The following RUNX2 variants were observed in gnomAD, a reference collection of about 807,000 sequenced individuals.
The protein encoded by RUNX2 is runt-related transcription factor 2.
RUNX2 carries 10 observed loss-of-function variants against 51.7 expected under a neutral mutation model. The ratio of observed to expected loss-of-function variants is 0.19; its 90% CI spans 0.12 to 0.33. The LOEUF is 0.33. Among genes scored for constraint, RUNX2 ranks in the 10% least tolerant of loss-of-function variants. The pLI, the probability that RUNX2 is intolerant of heterozygous loss-of-function variation, is 1.00. For synonymous variants in RUNX2, 276 were observed against 273.6 expected, an observed-to-expected ratio of 1.01 and a Z score of -0.09; for missense variants, 562 against 691.3, an observed-to-expected ratio of 0.81 and a Z score of 2.10.
intron 5 of RUNX2, among the ~76,000 whole-genome samples, chr6:45,487,924 G>T (rs900323021): frequency 1.3e-5 from 2 of 152,190 alleles, no homozygotes; most frequent in Non-Finnish European, 1.5e-5. Context: ...GTTCAAGAGG[G>T]TGGGAACCTA....
intron 2 of RUNX2, among the ~76,000 whole-genome samples, chr6:45,409,761 T>C (rs1258520908): frequency 1.3e-5 from 2 of 152,222 alleles, no homozygotes; most frequent in South Asian, 2.1e-4. Flanking sequence ...GGTTTATTTA[T>C]TCAGTGATTC....
intron 2 of RUNX2, among the ~76,000 whole-genome samples, chr6:45,370,917 A>T (rs1274454306): frequency 6.6e-6 from 1 of 150,836 alleles, no homozygotes; most frequent in Non-Finnish European, 1.5e-5. Context: ...AATTGAGTTT[A>T]AAAAAAAAAT....
intron 2 of RUNX2, among the ~76,000 whole-genome samples, chr6:45,340,402 C>T (rs905647658): frequency 1.3e-5 from 2 of 152,098 alleles, no homozygotes; most frequent in South Asian, 4.1e-4. Flanking sequence ...CAGCTCACTG[C>T]AACTTTGACC....
chr6:45,528,783 G>A (rs564881862), intron 7 of RUNX2, among the ~76,000 whole-genome samples: 2 of 152,188 alleles, frequency 1.3e-5, no homozygotes, highest in African/African-American at 4.8e-5. Context: ...TCAGGCTGGC[G>A]AGCTAATATC....
chr6:45,440,212 C>T (rs1236891542), intron 5 of RUNX2, among the ~76,000 whole-genome samples: 1 of 152,176 alleles, frequency 6.6e-6, no homozygotes, highest in Non-Finnish European at 1.5e-5. Flanking sequence ...CTGCTTTGAG[C>T]GACAGCTGAA....
chr6:45,404,389 A>G (rs1414669701), intron 2 of RUNX2, among the ~76,000 whole-genome samples: 1 of 151,582 alleles, frequency 6.6e-6, no homozygotes. Context: ...CTCCTGCTCT[A>G]GGATGTCTCC....
intron 2 of RUNX2, among the ~76,000 whole-genome samples, chr6:45,420,262 T>A (rs1798151080): frequency 6.6e-6 from 1 of 151,830 alleles, no homozygotes. Flanking sequence ...GGCTCCAGAG[T>A]CCGCGACTGG....
intron 7 of RUNX2, among the ~76,000 whole-genome samples, chr6:45,526,063 T>G (rs1262807563): frequency 1.3e-5 from 2 of 152,168 alleles, no homozygotes; most frequent in Non-Finnish European, 2.9e-5. Flanking sequence ...ATCGAAGAAC[T>G]AAATTAACAG....
intron 7 of RUNX2, among the ~76,000 whole-genome samples, chr6:45,541,237 T>C (rs2150447974): frequency 6.6e-6 from 1 of 152,304 alleles, no homozygotes; most frequent in South Asian, 2.1e-4. Flanking sequence ...AACATATTCT[T>C]TACCATCCAA....
intron 7 of RUNX2, among the ~76,000 whole-genome samples, chr6:45,526,571 T>C (rs1046933676): frequency 1.3e-5 from 2 of 152,258 alleles, no homozygotes; most frequent in African/African-American, 4.8e-5. Context: ...GAAACATTAC[T>C]GTCATAGTGT....
intron 2 of RUNX2, among the ~76,000 whole-genome samples, chr6:45,397,914 A>T (rs1461867041): frequency 1.3e-5 from 2 of 152,150 alleles, no homozygotes; most frequent in African/African-American, 2.4e-5. Flanking sequence ...GGCAGGGAGG[A>T]TCTTATCTCA....
intron 5 of RUNX2, among the ~76,000 whole-genome samples, chr6:45,450,436 A>G (rs1408841704): frequency 6.6e-6 from 1 of 152,242 alleles, no homozygotes; most frequent in African/African-American, 2.4e-5. Flanking sequence ...GCTTACTGTT[A>G]GCCAGGTGCC....
chr6:45,426,958 T>C (rs1798398777), intron 3 of RUNX2, among the ~76,000 whole-genome samples: 1 of 152,196 alleles, frequency 6.6e-6, no homozygotes, highest in African/African-American at 2.4e-5. Context: ...GTATCTAAAC[T>C]AGGGAAAATA....
chr6:45,511,638 C>T (rs1053003184), intron 6 of RUNX2, among the ~76,000 whole-genome samples: 5 of 152,204 alleles, frequency 3.3e-5, no homozygotes, highest in African/African-American at 1.2e-4. Context: ...CCCCTCCATT[C>T]TCATTCCTGC....
At chr6:45,471,516 C>A (rs1799801428) in intron 5 of RUNX2, among the ~76,000 whole-genome samples, 1 of 150,856 alleles carries the variant, frequency 6.6e-6, no homozygotes, top group Non-Finnish European at 1.5e-5. Context: ...GCGATCTCGG[C>A]TCACTGCAAG....
chr6:45,353,461 A>T (rs1792495154), intron 2 of RUNX2, among the ~76,000 whole-genome samples: 1 of 152,052 alleles, frequency 6.6e-6, no homozygotes, highest in Admixed American at 6.5e-5. Flanking sequence ...TACTCAACGG[A>T]ACAAAGCAGA....
At chr6:45,407,120 T>C (rs547145289) in intron 2 of RUNX2, among the ~76,000 whole-genome samples, 2 of 152,342 alleles carry the variant, frequency 1.3e-5, no homozygotes, top group East Asian at 3.9e-4. Context: ...TTTTATTTAC[T>C]ATTAATATTT....
Position 45,461,031 on chromosome 6 carries a change from A to G in RUNX2, c.685+22980A>G, listed in dbSNP as rs560290990. On this transcript the variant is annotated intron_variant, in intron 5 of 8. Transcript: ENST00000647337. ...CTGAAGAAAATGGTTATGATGGATT[A>G]GGTGGACTGAAGGCATGTGTTACAG... Among the ~76,000 whole-genome samples, 8 of 152,340 alleles carry G rather than the reference A, an allele frequency of 5.3e-5. No homozygotes were observed. In the South Asian group the frequency reaches 1.7e-3, roughly 32 times the overall value.
At chr6:45,516,480 A>T (rs1380751756) in intron 7 of RUNX2, among the ~76,000 whole-genome samples, 3 of 152,226 alleles carry the variant, frequency 2.0e-5, no homozygotes, top group African/African-American at 7.2e-5. Context: ...AGTGCAGAAG[A>T]CACCTCCTTT....
Sources: gnomAD v4.1 joint callset for allele counts (sites outside exome capture counted in the v4.1 genomes callset) on GRCh38, gnomAD v4.1.1 for gene constraint, MANE v1.5 for transcripts, NCBI Gene and HGNC (gene_info 2026-07-23, HGNC 2026-07-21) for gene names.